VAX2: variants seen among roughly 807,000 people sequenced by gnomAD.
The protein encoded by VAX2 is ventral anterior homeobox 2.
VAX2 carries 8 observed loss-of-function variants against 12.5 expected under a neutral mutation model. The ratio of observed to expected loss-of-function variants is 0.64; its 90% CI spans 0.37 to 1.15. The LOEUF (loss-of-function observed/expected upper bound fraction) is 1.15. Among genes scored for constraint, VAX2 ranks in the 50% most tolerant of loss-of-function variants. The probability of loss-of-function intolerance (pLI) is 0.01; values close to 1 mark genes in which losing one functional copy is unlikely to be tolerated. For synonymous variants in VAX2, 183 were observed against 187.6 expected (o/e 0.98, Z 0.20); for missense variants, 476 against 412.9 (o/e 1.15, Z -1.32).
rs782187320 is a variant in VAX2 at position 70,921,147 on chromosome 2, G to T, written c.297G>T (p.Leu99=). ...REIVLPKGLD[L]DRPKRTRTSF... ...TTGTCCTGCCTAAGGGCCTGGACCT[G>T]GACCGGCCCAAGCGGACACGTACAT... Residue 99 remains leucine (L), a synonymous_variant, in exon 2 of 3, where the codon CTG becomes CTT. Transcript: ENST00000234392. 2 of 1,613,028 alleles carry T rather than the reference G, an allele frequency of 1.2e-6. No homozygotes were observed. The highest frequency in any genetic ancestry group is 2.2e-5 in the South Asian group (2 of 90,856).
At chr2:70,917,461 C>G (rs1184082698) in intron 1 of VAX2, among the ~76,000 whole-genome samples, 5 of 152,018 alleles carry the variant, frequency 3.3e-5, no homozygotes, top group African/African-American at 4.8e-5. Flanking sequence ...GCTAGTAGTA[C>G]CATTTTCCAT....
At chr2:70,920,791 C>T (rs761577339) in intron 1 of VAX2, among the ~76,000 whole-genome samples, 9 of 152,180 alleles carry the variant, frequency 5.9e-5, no homozygotes, top group Non-Finnish European at 1.2e-4. Context: ...CTGTTCCTTA[C>T]TCTGCAAAGG....
intron 1 of VAX2, among the ~76,000 whole-genome samples, chr2:70,901,667 A>C (rs1678931670): frequency 6.6e-6 from 1 of 152,204 alleles, no homozygotes; most frequent in Non-Finnish European, 1.5e-5. Flanking sequence ...CCTCTCCGCG[A>C]GGCCGAGGCT....
chr2:70,923,773 GC>G (rs1274129395), intron 2 of VAX2, among the ~76,000 whole-genome samples: 1 of 146,192 alleles, frequency 6.8e-6, no homozygotes, highest in African/African-American at 2.5e-5. Context: ...CGTTTCCAGT[GC>G]CCCCATTCCC....
Position 70,900,784 on chromosome 2 carries a change from G to C in VAX2, c.163G>C (p.Ala55Pro). The C allele has an allele frequency of 1.3e-6, 2 of 1,497,014 alleles. No individual in the cohort carries two copies. The highest frequency in any genetic ancestry group is 1.8e-6 in the Non-Finnish European group (2 of 1,123,706). 92.7% of individuals were successfully genotyped at this position (1,497,014 alleles called of 1,614,324 possible). A position where few individuals can be genotyped will look rare whatever the true frequency, so the allele number is the denominator to read the frequency against. ...EVAGTSASSP[A>P]GSRESGADSD... ...GGCCGGGACCTCAGCCTCCAGTCCC[G>C]CAGGCTCCAGGGAGAGTGGAGCCGA... Residue 55 changes from alanine to proline, a missense_variant, in exon 1 of 3, where the codon GCA (alanine) becomes CCA (proline). Physicochemically the swap from Ala to Pro is conservative, Grantham distance 27. Coordinates refer to ENST00000234392, the MANE Select transcript of VAX2 (RefSeq NM_012476.3).
rs571857688 is a variant in VAX2 at position 70,921,897 on chromosome 2, C to G, written c.435+612C>G. Among the ~76,000 whole-genome samples the G allele has an allele frequency of 2.0e-5, 3 of 152,256 alleles. No homozygotes were observed. In the East Asian group the frequency reaches 5.8e-4, roughly 29 times the overall value. ...CACCTACCCTGTATGAATGGAGACC[C>G]TTCAAGCTGGTACTAGAGCTATAAA... On this transcript the variant is annotated intron_variant, in intron 2 of 2. Transcript: ENST00000234392.
intron 2 of VAX2, among the ~76,000 whole-genome samples, chr2:70,932,342 G>C (rs556059378): frequency 6.6e-6 from 1 of 152,282 alleles, no homozygotes; most frequent in East Asian, 1.9e-4. Context: ...TCTCAGTTCA[G>C]ATCTCTGGGC....
At chr2:70,911,199 GT>G (rs200188736) in intron 1 of VAX2, among the ~76,000 whole-genome samples, 1 of 151,910 alleles carries the variant, frequency 6.6e-6, no homozygotes, top group Non-Finnish European at 1.5e-5. Flanking sequence ...TACTTTTACT[GT>G]TTTTTTAATA....
intron 1 of VAX2, among the ~76,000 whole-genome samples, chr2:70,905,403 A>G (rs1489053451): frequency 6.6e-6 from 1 of 152,058 alleles, no homozygotes; most frequent in Non-Finnish European, 1.5e-5. Context: ...GGAGGCCCAC[A>G]TTCCCATAGC....
intron 2 of VAX2, among the ~76,000 whole-genome samples, chr2:70,925,931 C>CT (rs1353683473): frequency 6.6e-6 from 1 of 152,152 alleles, no homozygotes; most frequent in Non-Finnish European, 1.5e-5. Context: ...CTTCTCCTCT[C>CT]TTTTTTCTCT....
intron 1 of VAX2, 35 bp downstream of exon 1, chr2:70,900,903 C>T (rs1553409701): frequency 2.0e-5 from 26 of 1,321,178 alleles, no homozygotes; most frequent in Middle Eastern, 2.8e-4. Flanking sequence ...CTCCACTGGA[C>T]CCTCACCCTA....
chr2:70,929,238 G>C (rs572312713), intron 2 of VAX2, among the ~76,000 whole-genome samples: 2 of 152,332 alleles, frequency 1.3e-5, no homozygotes, highest in East Asian at 3.9e-4. Flanking sequence ...GGCTGTATGT[G>C]CCATTCCATT....
intron 1 of VAX2, among the ~76,000 whole-genome samples, chr2:70,907,532 G>T (rs909796146): frequency 7.2e-5 from 11 of 152,212 alleles, no homozygotes; most frequent in African/African-American, 2.4e-4. Flanking sequence ...TTAGCGTCTT[G>T]CTGGAGACAT....
intron 2 of VAX2, among the ~76,000 whole-genome samples, chr2:70,924,885 C>G (rs1343038728): frequency 3.9e-5 from 6 of 152,036 alleles, no homozygotes; most frequent in Non-Finnish European, 5.9e-5. Context: ...TGTGAGGGAG[C>G]TCAAATGGGG....
intron 1 of VAX2, among the ~76,000 whole-genome samples, chr2:70,905,759 C>A (rs1679042782): frequency 6.6e-6 from 1 of 152,188 alleles, no homozygotes; most frequent in African/African-American, 2.4e-5. Context: ...CCTTTGGAAG[C>A]CCGGACAAGG....
chr2:70,916,069 T>A (rs988505697), intron 1 of VAX2, among the ~76,000 whole-genome samples: 17 of 152,338 alleles, frequency 1.1e-4, no homozygotes, highest in African/African-American at 4.1e-4. Flanking sequence ...TTATGTACAA[T>A]TTTAAATCAT....
chr2:70,933,307 C>T lies in VAX2; in HGVS notation c.*103C>T. 8.5e-7 allele frequency: 1 copy of T among 1,170,534 alleles called. No individual in the cohort carries two copies. The allele number at this position is 1,170,534 out of a possible 1,614,324, so 72.5% of individuals were successfully genotyped here. A position where few individuals can be genotyped will look rare whatever the true frequency, so the allele number is the denominator to read the frequency against. On this transcript the variant is annotated 3_prime_UTR_variant, in exon 3 of 3. Coordinates refer to ENST00000234392, the MANE Select transcript of VAX2 (RefSeq NM_012476.3). The stretch of plus-strand genomic sequence containing the variant: ...GGCCCCGGAGAGGAGGGGCTGCAGC[C>T]ACACACTCTTCCCCACCTGCCCCCC...
chr2:70,905,871 C>T (rs1353176068), intron 1 of VAX2, among the ~76,000 whole-genome samples: 1 of 152,172 alleles, frequency 6.6e-6, no homozygotes, highest in East Asian at 1.9e-4. Flanking sequence ...TGCGCAGCAC[C>T]GGTAAGGAGA....
intron 1 of VAX2, among the ~76,000 whole-genome samples, chr2:70,911,530 T>A (rs570597152): frequency 6.6e-6 from 1 of 152,332 alleles, no homozygotes; most frequent in East Asian, 1.9e-4. Flanking sequence ...TCAAAAACCA[T>A]ATATTATATC....
Sources: allele counts gnomAD v4.1 joint callset (sites outside exome capture counted in the v4.1 genomes callset), GRCh38; gene constraint gnomAD v4.1.1; transcripts MANE v1.5; gene names NCBI Gene and HGNC (gene_info 2026-07-23, HGNC 2026-07-21).